GFOD1: variants seen among roughly 807,000 people sequenced by gnomAD.
The protein encoded by GFOD1 is glucose-fructose oxidoreductase domain-containing protein 1.
Under a neutral mutation model 25.4 loss-of-function variants are expected in GFOD1, and 9 were observed. The ratio of observed to expected loss-of-function variants is 0.35; its 90% CI spans 0.21 to 0.62. The LOEUF is 0.62. Ranked by LOEUF, GFOD1 falls within the 20% of genes least tolerant of loss-of-function variation. The pLI, the probability that GFOD1 is intolerant of heterozygous loss-of-function variation, is 0.72. For missense variants in GFOD1, 403 were observed against 556.9 expected (o/e 0.72, Z 2.78); for synonymous variants, 253 against 245.6 (o/e 1.03, Z -0.28).
chr6:13,482,085 G>A (rs949488437), intron 1 of GFOD1, among the ~76,000 whole-genome samples: 1 of 149,148 alleles, frequency 6.7e-6, no homozygotes, highest in Non-Finnish European at 1.5e-5. Context: ...TAAAATATAT[G>A]TATATATTAT....
chr6:13,480,130 A>G (rs1758715414), intron 1 of GFOD1, among the ~76,000 whole-genome samples: 1 of 152,178 alleles, frequency 6.6e-6, no homozygotes. Context: ...AAGGACAGAA[A>G]AGGGCCAATT....
intron 1 of GFOD1, among the ~76,000 whole-genome samples, chr6:13,409,339 G>GAGAA (rs1265036841): frequency 7.1e-6 from 1 of 140,946 alleles, no homozygotes; most frequent in African/African-American, 2.6e-5. Flanking sequence ...GAGAGAAAGA[G>GAGAA]AGAGAGAGAA....
intron 1 of GFOD1, among the ~76,000 whole-genome samples, chr6:13,483,093 C>T (rs183689260): frequency 6.6e-6 from 1 of 151,936 alleles, no homozygotes; most frequent in Non-Finnish European, 1.5e-5. Flanking sequence ...GAAATTTGTA[C>T]CACATGAATA....
intron 1 of GFOD1, among the ~76,000 whole-genome samples, chr6:13,372,151 T>G (rs577159140): frequency 6.6e-6 from 1 of 152,346 alleles, no homozygotes; most frequent in South Asian, 2.1e-4. Context: ...GAGAGATACC[T>G]TCCAACCTAT....
chr6:13,472,611 A>T (rs1758533686), intron 1 of GFOD1, among the ~76,000 whole-genome samples: 1 of 152,128 alleles, frequency 6.6e-6, no homozygotes, highest in South Asian at 2.1e-4. Flanking sequence ...CAAGGATTCA[A>T]CCCCGGGCAG....
intron 1 of GFOD1, among the ~76,000 whole-genome samples, chr6:13,403,529 T>C (rs991292788): frequency 1.3e-5 from 2 of 152,244 alleles, no homozygotes; most frequent in African/African-American, 2.4e-5. Context: ...CTAAATACTG[T>C]AGGCAATTGT....
intron 1 of GFOD1, among the ~76,000 whole-genome samples, chr6:13,475,670 AT>A (rs1446287771): frequency 6.6e-6 from 1 of 151,292 alleles, no homozygotes; most frequent in Non-Finnish European, 1.5e-5. Flanking sequence ...GTAAGCCGAG[AT>A]TACGCCATTG....
intron 1 of GFOD1, among the ~76,000 whole-genome samples, chr6:13,376,606 A>G (rs1785261637): frequency 6.6e-6 from 1 of 152,234 alleles, no homozygotes; most frequent in Non-Finnish European, 1.5e-5. Context: ...AGATACAAGA[A>G]AACACAAATG....
chr6:13,415,744 T>A (rs764460344), intron 1 of GFOD1, among the ~76,000 whole-genome samples: 1 of 152,234 alleles, frequency 6.6e-6, no homozygotes, highest in Non-Finnish European at 1.5e-5. Context: ...ATCATGAATG[T>A]GAAGCACATA....
intron 1 of GFOD1, among the ~76,000 whole-genome samples, chr6:13,473,274 C>T (rs886659684): frequency 6.6e-6 from 1 of 152,222 alleles, no homozygotes; most frequent in South Asian, 2.1e-4. Context: ...GATGTAAGCA[C>T]CAAACCAGGG....
At chr6:13,461,738 GCT>G (rs1191032151) in intron 1 of GFOD1, among the ~76,000 whole-genome samples, 1 of 152,080 alleles carries the variant, frequency 6.6e-6, no homozygotes, top group Non-Finnish European at 1.5e-5. Flanking sequence ...GAGAAAGGAG[GCT>G]CTTTCTCCAT....
Position 13,364,682 on chromosome 6 carries a change from C to T in GFOD1, c.*61G>A. 1.4e-6 allele frequency: 2 copies of T among 1,416,712 alleles called. No homozygotes were observed. Among genetic ancestry groups the T allele is most frequent in the Non-Finnish European group, 9.7e-7 (1 of 1,027,144 alleles). 87.8% of individuals were successfully genotyped at this position (1,416,712 alleles called of 1,614,324 possible). A position where few individuals can be genotyped will look rare whatever the true frequency, so the allele number is the denominator to read the frequency against. On this transcript the variant is annotated 3_prime_UTR_variant, in exon 2 of 2. Transcript: ENST00000379287. The surrounding 1 kb of genome is among the most constrained non-coding windows in gnomAD (Gnocchi z 4.1). Reference sequence around the variant, plus strand: ...CCCATGGTCACCCTCTCCCCTCGGCCCTTCCCTCTCTGTGGACATCCCCTG... The same window carrying T: ...CCCATGGTCACCCTCTCCCCTCGGCTCTTCCCTCTCTGTGGACATCCCCTG...
chr6:13,453,057 C>T (rs1378458631), intron 1 of GFOD1, among the ~76,000 whole-genome samples: 1 of 152,204 alleles, frequency 6.6e-6, no homozygotes, highest in Non-Finnish European at 1.5e-5. Context: ...AAACTATTGC[C>T]TCACATCAGT....
At chr6:13,456,376 T>C (rs1423782889) in intron 1 of GFOD1, among the ~76,000 whole-genome samples, 2 of 152,078 alleles carry the variant, frequency 1.3e-5, no homozygotes, top group Non-Finnish European at 2.9e-5. Flanking sequence ...GGTTTTGCCA[T>C]GTTGCCCAGG....
In GFOD1 at chr6:13,360,219, G is replaced by A. The variant is rs748874126; in HGVS notation, c.*4524C>T. 16 of 161,810 alleles carry A rather than the reference G, an allele frequency of 9.9e-5. No homozygotes were observed. Among genetic ancestry groups the A allele is most frequent in the Middle Eastern group, 3.1e-3 (1 of 322 alleles). The allele number at this position is 161,810 out of a possible 1,614,324, so 10.0% of individuals were successfully genotyped here. ...TCTCTGTTATGTAAAACAAAAGGAC[G>A]GCTATTGGACTGTGAAGCCCCTTCA... On this transcript the variant is annotated 3_prime_UTR_variant, in exon 2 of 2. Transcript: ENST00000379287.
chr6:13,362,288 C>A lies in GFOD1; in HGVS notation c.*2455G>T, dbSNP rs574044436. On this transcript the variant is annotated 3_prime_UTR_variant, in exon 2 of 2. Coordinates refer to ENST00000379287, the MANE Select transcript of GFOD1 (RefSeq NM_018988.4). ...CCATGCTGGCTAATACAGTGAAACC[C>A]CGTCTCTACTAAAAATACAAAAAAT... is the stretch of plus-strand genomic sequence containing the variant. 1 of 151,898 alleles carries A rather than the reference C, an allele frequency of 6.6e-6. No homozygotes were observed. Among genetic ancestry groups the A allele is most frequent in the Non-Finnish European group, 1.5e-5 (1 of 68,022 alleles). 9.4% of individuals were successfully genotyped at this position (151,898 alleles called of 1,614,324 possible). A position where few individuals can be genotyped will look rare whatever the true frequency, so the allele number is the denominator to read the frequency against.
chr6:13,485,916 C>T (rs779853517), intron 1 of GFOD1: 10 of 565,358 alleles, frequency 1.8e-5, no homozygotes, highest in Non-Finnish European at 2.0e-5. Context: ...TTAAAACCCC[C>T]TGGTTTTACC....
chr6:13,438,415 T>C (rs1365677393), intron 1 of GFOD1, among the ~76,000 whole-genome samples: 6 of 152,204 alleles, frequency 3.9e-5, no homozygotes, highest in Non-Finnish European at 7.3e-5. Flanking sequence ...ACACACAGAC[T>C]TTTACTATAG....
chr6:13,359,061 C>G lies in GFOD1; in HGVS notation c.*5682G>C, dbSNP rs1784909252. 1 of 152,304 alleles carries G rather than the reference C, an allele frequency of 6.6e-6. No individual in the cohort carries two copies. The highest frequency in any genetic ancestry group is 6.5e-5 in the Admixed American group (1 of 15,284). The allele number at this position is 152,304 out of a possible 1,614,324, so 9.4% of individuals were successfully genotyped here. ...TCCAGATGCCACTGGGAACACTGAGCCCATCACCTTTTAAAGAAGCGCAGG... is the reference window on the plus strand; with the variant it reads ...TCCAGATGCCACTGGGAACACTGAGGCCATCACCTTTTAAAGAAGCGCAGG... On this transcript the variant is annotated 3_prime_UTR_variant, in exon 2 of 2. Coordinates refer to ENST00000379287, the MANE Select transcript of GFOD1 (RefSeq NM_018988.4).
Sources: allele counts gnomAD v4.1 joint callset (sites outside exome capture counted in the v4.1 genomes callset), GRCh38; gene constraint gnomAD v4.1.1; non-coding constraint Gnocchi (gnomAD v3.1); transcripts MANE v1.5; gene names NCBI Gene and HGNC (gene_info 2026-07-23, HGNC 2026-07-21).